Variants in SHPK observed in about 807,000 individuals in gnomAD.
SHPK encodes the protein carbohydrate kinase-like protein.
SHPK carries 51 observed loss-of-function variants against 46.3 expected under a neutral mutation model. The ratio of observed to expected loss-of-function variants is 1.10; its 90% CI spans 0.88 to 1.39. SHPK has a LOEUF of 1.39. Among genes scored for constraint, SHPK ranks in the 40% most tolerant of loss-of-function variants. The pLI is 0.00. For missense variants in SHPK, 668 were observed against 641.3 expected (o/e 1.04, Z -0.45); for synonymous variants, 290 against 273.9 (o/e 1.06, Z -0.58).
chr17:3,611,013 C>T (rs2075336581), intron 6 of SHPK, 41 bp from the exon 7 acceptor site: 1 of 1,544,492 alleles, frequency 6.5e-7, no homozygotes, highest in African/African-American at 1.4e-5. Context: ...TCATGCGTCC[C>T]CCTCAGTGCA....
At chr17:3,615,664 G>C in intron 5 of SHPK, 127 bp from the exon 6 acceptor site, 1 of 660,162 alleles carries the variant, frequency 1.5e-6, no homozygotes, top group Non-Finnish European at 2.6e-6. Flanking sequence ...GTTTGGCAGT[G>C]AGAGGGGGTG....
At chr17:3,623,985 GCCCCGGCCTATTCTCATT>G (rs2075417933) in intron 3 of SHPK, 45 bp downstream of exon 3, 5 of 1,481,490 alleles carry the variant, frequency 3.4e-6, no homozygotes, top group Non-Finnish European at 4.6e-6. Context: ...TGCTGACGCA[GCCCCGGCCTATTCTCATT>G]CTCCCGGAAA....
Position 3,610,504 on chromosome 17 carries a change from CAGGAATGTT to C in SHPK, c.*47_*55del. On this transcript the variant is annotated 3_prime_UTR_variant, in exon 7 of 7. Transcript: ENST00000225519. ...GGAAAGGATGACCCACAGATGGTGT[CAGGAATGTT>C]AATCAGGTAAAATTCACAGCAGTCG... 1.3e-6 allele frequency: 2 copies of C among 1,517,914 alleles called. No homozygotes were observed. Among genetic ancestry groups the C allele is most frequent in the South Asian group, 2.5e-5 (2 of 80,722 alleles). The allele number at this position is 1,517,914 out of a possible 1,614,324, so 94.0% of individuals were successfully genotyped here. A position where few individuals can be genotyped will look rare whatever the true frequency, so the allele number is the denominator to read the frequency against.
rs1223561998 is a variant in SHPK, at chr17:3,610,583, G to A, written c.1414C>T (p.His472Tyr). 6.2e-7 allele frequency: 1 copy of A among 1,602,522 alleles called. No individual in the cohort carries two copies. The highest frequency in any genetic ancestry group is 1.3e-5 in the African/African-American group (1 of 74,846). ...GTCTAAGATTCCTTCTGGTTGAGGT[G>A]TCTCCGGAGCATGACCAGAGCTGCC... ...VGAALVMLRR[H>Y]LNQKES The change falls in exon 7 of 7, where the codon CAC becomes TAC. Residue 472 changes from histidine to tyrosine, a missense_variant. Transcript: ENST00000225519.
intron 2 of SHPK, among the ~76,000 whole-genome samples, 174 bp from the exon 3 acceptor site, chr17:3,624,405 A>G (rs535454463): frequency 6.6e-6 from 1 of 152,192 alleles, no homozygotes; most frequent in East Asian, 1.9e-4. Flanking sequence ...TCTACCACAT[A>G]ATGACTGTGG....
At chr17:3,623,522 G>A (rs996378145) in intron 3 of SHPK, 31 bp from the exon 4 acceptor site, 1 of 1,611,254 alleles carries the variant, frequency 6.2e-7, no homozygotes, top group East Asian at 2.2e-5. Flanking sequence ...AACCAACACG[G>A]TATAACATGA....
rs1037928450 is a variant in SHPK, at chr17:3,610,267, A to G, written c.*293T>C. ...TGAACCACAGATGAGCCTGCTGACC[A>G]GCAGGCTGGGCTACTGTGCTCTCAT... On this transcript the variant is annotated 3_prime_UTR_variant, in exon 7 of 7. Coordinates refer to ENST00000225519, the MANE Select transcript of SHPK (RefSeq NM_013276.4). 2.0e-5 allele frequency: 7 copies of G among 344,208 alleles called. No homozygotes were observed. In the Admixed American group the frequency reaches 2.4e-4, roughly 12 times the overall value. The allele number at this position is 344,208 out of a possible 1,614,324, so 21.3% of individuals were successfully genotyped here.
intron 1 of SHPK, among the ~76,000 whole-genome samples, chr17:3,634,002 T>C (rs1052407257): frequency 6.7e-6 from 1 of 149,294 alleles, no homozygotes; most frequent in Non-Finnish European, 1.5e-5. Flanking sequence ...ATGTGCTGTG[T>C]CCACTCAGGG....
At chr17:3,626,201 A>C (rs2075436067) in intron 2 of SHPK, among the ~76,000 whole-genome samples, 1 of 152,180 alleles carries the variant, frequency 6.6e-6, no homozygotes, top group African/African-American at 2.4e-5. Context: ...TCTGTCTTTG[A>C]AATCCTTAAA....
chr17:3,628,053 T>G (rs976483425), intron 2 of SHPK, among the ~76,000 whole-genome samples: 1 of 151,862 alleles, frequency 6.6e-6, no homozygotes, highest in Non-Finnish European at 1.5e-5. Context: ...CTGGGAGTGA[T>G]TAAACGGTGC....
At chr17:3,615,072 G>T (rs989669966) in intron 6 of SHPK, among the ~76,000 whole-genome samples, 6 of 152,102 alleles carry the variant, frequency 3.9e-5, no homozygotes, top group Admixed American at 3.9e-4. Flanking sequence ...GAAAGCTGGG[G>T]AGACTGTTAG....
chr17:3,610,768 A>G lies in SHPK; in HGVS notation c.1229T>C (p.Leu410Pro). 2.5e-6 allele frequency: 4 copies of G among 1,614,112 alleles called. No homozygotes were observed. The highest frequency in any genetic ancestry group is 2.2e-5 in the East Asian group (1 of 44,864). ...RALCRGIVQN[L>P]HSMLPIQQLQ... ...CTGCTGAATCGGAAGCATGGAGTGCAGGTTCTGAACAATGCCTCGGCACAG... is the reference window on the plus strand; with the variant it reads ...CTGCTGAATCGGAAGCATGGAGTGCGGGTTCTGAACAATGCCTCGGCACAG... Residue 410 changes from leucine (L) to proline (P), a missense_variant, in exon 7 of 7, where the codon CTG becomes CCG. Coordinates refer to ENST00000225519, the MANE Select transcript of SHPK (RefSeq NM_013276.4).
intron 2 of SHPK, among the ~76,000 whole-genome samples, chr17:3,627,953 G>A (rs1390178875): frequency 2.6e-5 from 4 of 151,850 alleles, no homozygotes; most frequent in East Asian, 1.9e-4. Context: ...CAGCTCCCAC[G>A]GCCCCGGCGG....
intron 4 of SHPK, among the ~76,000 whole-genome samples, chr17:3,621,811 C>T (rs1267150895): frequency 6.6e-6 from 1 of 151,792 alleles, no homozygotes; most frequent in Non-Finnish European, 1.5e-5. Context: ...CACCACCATG[C>T]CCAGCTAATT....
intron 6 of SHPK, among the ~76,000 whole-genome samples, chr17:3,614,290 C>T (rs1186972620): frequency 1.3e-5 from 2 of 151,998 alleles, no homozygotes; most frequent in East Asian, 1.9e-4. Flanking sequence ...TTTTGGAGGC[C>T]GAGGCAGGTG....
rs11311796 is a variant in SHPK, at chr17:3,634,571, C to CAA, written c.168+1479_168+1480dup. ...TGGGTGACAGAGCGAGACCCTGTCT[C>CAA]AAAAAAAAAAAAAAAAAAAAAAGAA... On this transcript the variant is annotated intron_variant, in intron 1 of 6. Coordinates refer to ENST00000225519, the MANE Select transcript of SHPK (RefSeq NM_013276.4). Among the ~76,000 whole-genome samples the CAA allele has an allele frequency of 5.6e-3, 501 of 89,558 alleles. 6 individuals carry two copies. The highest frequency in any genetic ancestry group is 0.039 in the East Asian group (125 of 3,202). 58.8% of individuals were successfully genotyped at this position (89,558 alleles called of 152,430 possible).
At chr17:3,621,601 T>TTTCC (rs2075402656) in intron 4 of SHPK, among the ~76,000 whole-genome samples, 189 bp from the exon 5 acceptor site, 1 of 120,886 alleles carries the variant, frequency 8.3e-6, no homozygotes, top group Non-Finnish European at 1.7e-5. Context: ...TCTCCATTCC[T>TTTCC]TCCCTCCCTC....
chr17:3,631,608 T>C lies in SHPK; in HGVS notation c.169-1262A>G, dbSNP rs370434735. Reference sequence around the variant, plus strand: ...CATAATCTTGGCTCACTGCAACCTCTGCCTCCCAGGTTCAAGTGATTCTCC... The same window carrying C: ...CATAATCTTGGCTCACTGCAACCTCCGCCTCCCAGGTTCAAGTGATTCTCC... On this transcript the variant is annotated intron_variant, in intron 1 of 6. Coordinates refer to ENST00000225519, the MANE Select transcript of SHPK (RefSeq NM_013276.4). 9.8e-4 allele frequency among the ~76,000 whole-genome samples: 130 copies of C among 132,080 alleles called. 6 individuals carry two copies. The South Asian group carries it at 0.029, about 29-fold the overall frequency. The allele number at this position is 132,080 out of a possible 152,430, so 86.6% of individuals were successfully genotyped here. A position where few individuals can be genotyped will look rare whatever the true frequency, so the allele number is the denominator to read the frequency against.
At position 3,610,449 on chromosome 17, in the gene SHPK, T is replaced by G; in HGVS notation, c.*111A>C. On this transcript the variant is annotated 3_prime_UTR_variant, in exon 7 of 7. Coordinates refer to ENST00000225519, the MANE Select transcript of SHPK (RefSeq NM_013276.4). ...CGAGATGGGACCTCACAACAAGCAC[T>G]GCTTGAAAGCTGTCCACTGAACGGT... is the stretch of plus-strand genomic sequence containing the variant. 1 of 1,149,326 alleles carries G rather than the reference T, an allele frequency of 8.7e-7. No individual in the cohort carries two copies. Among genetic ancestry groups the G allele is most frequent in the Non-Finnish European group, 1.2e-6 (1 of 810,458 alleles). 71.2% of individuals were successfully genotyped at this position (1,149,326 alleles called of 1,614,324 possible).
Sources: gnomAD v4.1 joint callset for allele counts (sites outside exome capture counted in the v4.1 genomes callset) on GRCh38, gnomAD v4.1.1 for gene constraint, MANE v1.5 for transcripts, NCBI Gene and HGNC (gene_info 2026-07-23, HGNC 2026-07-21) for gene names.